The following DSCAM variants were observed in gnomAD, a reference collection of about 807,000 sequenced individuals.
DSCAM encodes DS cell adhesion molecule.
Under a neutral mutation model 217.7 loss-of-function variants are expected in DSCAM, and 47 were observed. The ratio of observed to expected loss-of-function variants is 0.22; its 90% confidence interval spans 0.17 to 0.28. DSCAM has a LOEUF of 0.28. Among genes scored for constraint, DSCAM ranks in the 10% least tolerant of loss-of-function variants. DSCAM has a pLI of 1.00. For missense variants in DSCAM, 2,080 were observed against 2,618.3 expected, an observed-to-expected ratio of 0.79 and a Z score of 4.49; for synonymous variants, 1,056 against 1,015.3, an observed-to-expected ratio of 1.04 and a Z score of -0.76.
In DSCAM at chr21:40,531,392, C is replaced by G. The variant is rs575346464; in HGVS notation, c.508+161418G>C. On this transcript the variant is annotated intron_variant, in intron 3 of 32. Transcript: ENST00000400454. Reference sequence around the variant, plus strand: ...ACCTGTCCTTTCTTATAGCCACATGCCCAAGCTCCTGCACGGTCCTTCTCC... The same window carrying G: ...ACCTGTCCTTTCTTATAGCCACATGGCCAAGCTCCTGCACGGTCCTTCTCC... Among the ~76,000 whole-genome samples the G allele has an allele frequency of 2.0e-5, 3 of 152,330 alleles. No homozygotes were observed. The South Asian group carries it at 6.2e-4, about 32-fold the overall frequency.
At chr21:40,423,783 T>C (rs545576512) in intron 3 of DSCAM, among the ~76,000 whole-genome samples, 2 of 152,292 alleles carry the variant, frequency 1.3e-5, no homozygotes, top group East Asian at 3.9e-4. Context: ...GTAACACATG[T>C]GGGCCATGAT....
intron 3 of DSCAM, among the ~76,000 whole-genome samples, chr21:40,634,226 A>C (rs2089726686): frequency 6.6e-6 from 1 of 152,200 alleles, no homozygotes; most frequent in Non-Finnish European, 1.5e-5. Context: ...AATAAGAGGA[A>C]AGATGTTTCA....
intron 3 of DSCAM, among the ~76,000 whole-genome samples, chr21:40,389,490 T>A: frequency 6.6e-6 from 1 of 152,196 alleles, no homozygotes. Flanking sequence ...TGAATTACCA[T>A]AATAGGATTT....
chr21:40,423,304 T>G (rs1233683553), intron 3 of DSCAM, among the ~76,000 whole-genome samples: 1 of 152,214 alleles, frequency 6.6e-6, no homozygotes, highest in Admixed American at 6.5e-5. Context: ...TAGGTTTTCA[T>G]TAACAAGGAC....
chr21:40,590,562 T>G (rs984677454), intron 3 of DSCAM, among the ~76,000 whole-genome samples: 1 of 152,226 alleles, frequency 6.6e-6, no homozygotes, highest in African/African-American at 2.4e-5. Context: ...TTAAAGGATT[T>G]TGTATAGTGC....
At chr21:40,615,739 T>TA (rs2089384663) in intron 3 of DSCAM, among the ~76,000 whole-genome samples, 1 of 152,096 alleles carries the variant, frequency 6.6e-6, no homozygotes, top group African/African-American at 2.4e-5. Flanking sequence ...CAGATGGAGC[T>TA]AAAGTCTTTC....
At chr21:40,495,532 TCAATA>T (rs1779934701) in intron 3 of DSCAM, among the ~76,000 whole-genome samples, 1 of 152,146 alleles carries the variant, frequency 6.6e-6, no homozygotes, top group Admixed American at 6.6e-5. Flanking sequence ...AGAATGTTGC[TCAATA>T]CAATAAAGGG....
At chr21:40,598,177 A>G (rs2146256450) in intron 3 of DSCAM, among the ~76,000 whole-genome samples, 1 of 152,264 alleles carries the variant, frequency 6.6e-6, no homozygotes, top group Middle Eastern at 3.4e-3. Context: ...CTTTTCCAGA[A>G]TGTCATATGG....
At chr21:40,237,082 C>T (rs1446359582) in intron 11 of DSCAM, among the ~76,000 whole-genome samples, 1 of 152,232 alleles carries the variant, frequency 6.6e-6, no homozygotes, top group Admixed American at 6.5e-5. Flanking sequence ...AGGTTGTAGA[C>T]ATTTCCTGTG....
chr21:40,569,152 T>TGTCAGG (rs2076787062), intron 3 of DSCAM, among the ~76,000 whole-genome samples: 1 of 152,196 alleles, frequency 6.6e-6, no homozygotes, highest in Non-Finnish European at 1.5e-5. Flanking sequence ...TGTTGGATGA[T>TGTCAGG]GTCAGGATTC....
At chr21:40,827,223 A>G (rs2091975844) in intron 1 of DSCAM, among the ~76,000 whole-genome samples, 1 of 152,136 alleles carries the variant, frequency 6.6e-6, no homozygotes, top group Admixed American at 6.6e-5. Context: ...TGAGAGAGTG[A>G]ACATGAGGAA....
At chr21:40,841,170 G>C (rs9305709) in intron 1 of DSCAM, among the ~76,000 whole-genome samples, 152,284 of 152,284 alleles carry the variant, frequency 1, 76,142 homozygotes, top group Non-Finnish European at 1. Context: ...GAGCAGATTT[G>C]TGAAACCCAA....
chr21:40,545,542 C>T (rs1376764937), intron 3 of DSCAM, among the ~76,000 whole-genome samples: 1 of 152,180 alleles, frequency 6.6e-6, no homozygotes, highest in African/African-American at 2.4e-5. Flanking sequence ...ACCAGACAGA[C>T]CACAGAGAAG....
intron 11 of DSCAM, among the ~76,000 whole-genome samples, chr21:40,267,012 C>T (rs1037177192): frequency 8.8e-6 from 1 of 113,146 alleles, no homozygotes; most frequent in East Asian, 3.0e-4. Context: ...ATAACGGACT[C>T]GGGAGACTCA....
intron 1 of DSCAM, among the ~76,000 whole-genome samples, chr21:40,734,900 C>T (rs1485766549): frequency 2.0e-5 from 3 of 152,230 alleles, no homozygotes; most frequent in Admixed American, 6.5e-5. Context: ...TGTAGACAAA[C>T]GTGAATGTGC....
chr21:40,258,800 C>A (rs1000213903), intron 11 of DSCAM, among the ~76,000 whole-genome samples: 5 of 152,214 alleles, frequency 3.3e-5, no homozygotes, highest in Admixed American at 3.3e-4. Context: ...CTCTTTACCT[C>A]TTTTAAAAAG....
rs546186864 is a variant in DSCAM, at chr21:40,304,839, T to A, written c.2062+7242A>T. Among the ~76,000 whole-genome samples, 104 of 152,268 alleles carry A rather than the reference T, an allele frequency of 6.8e-4. 1 individual carries two copies. Among genetic ancestry groups the A allele is most frequent in the African/African-American group, 2.5e-3 (102 of 41,560 alleles). ...CACACACAACATTTATCGATTAAGT[T>A]TGCCATCTCATATGGCTACTGAACA... On this transcript the variant is annotated intron_variant, in intron 9 of 32. Coordinates refer to ENST00000400454, the MANE Select transcript of DSCAM (RefSeq NM_001389.5).
chr21:40,560,581 G>GA lies in DSCAM; in HGVS notation c.508+132228dup, dbSNP rs1245473434. Among the ~76,000 whole-genome samples the GA allele has an allele frequency of 6.6e-5, 10 of 152,322 alleles. No individual in the cohort carries two copies. The East Asian group carries it at 1.7e-3, about 26-fold the overall frequency. ...TGTCTGGAGAAACTCATTGTAAGTT[G>GA]AAAATATCACAAGTCAAAAGGCATT... is the stretch of plus-strand genomic sequence containing the variant. On this transcript the variant is annotated intron_variant, in intron 3 of 32. Coordinates refer to ENST00000400454, the MANE Select transcript of DSCAM (RefSeq NM_001389.5).
intron 3 of DSCAM, among the ~76,000 whole-genome samples, chr21:40,431,706 T>C (rs778906880): frequency 3.3e-5 from 5 of 152,200 alleles, no homozygotes; most frequent in Non-Finnish European, 7.3e-5. Flanking sequence ...TGTTTATCAG[T>C]AAGGCTTCCA....
Sources: allele counts gnomAD v4.1 joint callset (sites outside exome capture counted in the v4.1 genomes callset), GRCh38; gene constraint gnomAD v4.1.1; transcripts MANE v1.5; gene names NCBI Gene and HGNC (gene_info 2026-07-23, HGNC 2026-07-21).